GPR158: variants seen among roughly 807,000 people sequenced by gnomAD.
The protein encoded by GPR158 is metabotropic glycine receptor.
Under a neutral mutation model 78.2 loss-of-function variants are expected in GPR158, and 30 were observed. That is an observed-to-expected ratio of 0.38 (90% confidence interval 0.29 to 0.52). GPR158 has a LOEUF of 0.52. Ranked by LOEUF, GPR158 falls within the 20% of genes least tolerant of loss-of-function variation. The probability of loss-of-function intolerance (pLI) is 0.83; values close to 1 mark genes in which losing one functional copy is unlikely to be tolerated. For synonymous variants in GPR158, 581 were observed against 591.1 expected (o/e 0.98, Z 0.25); for missense variants, 1,463 against 1,523.5 (o/e 0.96, Z 0.66).
intron 3 of GPR158, among the ~76,000 whole-genome samples, chr10:25,401,873 T>G (rs1834451101): frequency 6.6e-6 from 1 of 152,148 alleles, no homozygotes; most frequent in South Asian, 2.1e-4. Flanking sequence ...ATACATTTCT[T>G]ACACAAAATC....
At chr10:25,252,976 C>T (rs1479015611) in intron 2 of GPR158, among the ~76,000 whole-genome samples, 7 of 152,300 alleles carry the variant, frequency 4.6e-5, no homozygotes, top group African/African-American at 7.2e-5. Context: ...ATTCCGTGGG[C>T]GTAGGACCCT....
chr10:25,458,191 G>A (rs1564460989), intron 4 of GPR158, among the ~76,000 whole-genome samples: 1 of 152,064 alleles, frequency 6.6e-6, no homozygotes, highest in African/African-American at 2.4e-5. Context: ...GAAAAAATGG[G>A]CTTTCTTATG....
chr10:25,186,630 G>A (rs939524831), intron 1 of GPR158, among the ~76,000 whole-genome samples: 7 of 152,084 alleles, frequency 4.6e-5, no homozygotes, highest in African/African-American at 1.7e-4. Context: ...TAGAAGAAAT[G>A]GATAAATTCC....
chr10:25,298,525 G>A (rs1854548254), intron 2 of GPR158, among the ~76,000 whole-genome samples: 1 of 152,048 alleles, frequency 6.6e-6, no homozygotes, highest in African/African-American at 2.4e-5. Flanking sequence ...TCTCTTTAAG[G>A]GTGGAATACA....
At chr10:25,526,504 A>T (rs900360099) in intron 5 of GPR158, among the ~76,000 whole-genome samples, 73 of 152,310 alleles carry the variant, frequency 4.8e-4, no homozygotes, top group African/African-American at 1.7e-3. Context: ...ACTCATCTGG[A>T]TCCAATCAAG....
intron 2 of GPR158, among the ~76,000 whole-genome samples, chr10:25,384,299 A>T (rs1834193776): frequency 2.0e-5 from 3 of 152,208 alleles, no homozygotes. Context: ...ATAAGAACTC[A>T]AAAAGTACAG....
At chr10:25,287,538 A>G (rs1417506718) in intron 2 of GPR158, among the ~76,000 whole-genome samples, 3 of 152,064 alleles carry the variant, frequency 2.0e-5, no homozygotes. Context: ...GGTGGTGTGA[A>G]TCTCCCTTTT....
At chr10:25,428,155 A>C (rs1199892292) in intron 4 of GPR158, among the ~76,000 whole-genome samples, 2 of 152,222 alleles carry the variant, frequency 1.3e-5, no homozygotes, top group Non-Finnish European at 2.9e-5. Flanking sequence ...AATATTATAA[A>C]AGAAACTTCA....
At chr10:25,285,084 G>GTGTGTGTGTGTA (rs978500038) in intron 2 of GPR158, among the ~76,000 whole-genome samples, 5 of 151,752 alleles carry the variant, frequency 3.3e-5, no homozygotes, top group Non-Finnish European at 5.9e-5. Flanking sequence ...GTGTGTGTGT[G>GTGTGTGTGTGTA]TGTGTGTATG....
intron 2 of GPR158, among the ~76,000 whole-genome samples, chr10:25,387,299 A>G (rs914245509): frequency 3.3e-5 from 5 of 152,114 alleles, no homozygotes; most frequent in Admixed American, 2.0e-4. Context: ...GTGTTTAACT[A>G]TCCTTGAATT....
chr10:25,330,517 A>G (rs1195673904), intron 2 of GPR158, among the ~76,000 whole-genome samples: 1 of 152,182 alleles, frequency 6.6e-6, no homozygotes, highest in East Asian at 1.9e-4. Flanking sequence ...AGGATACTAT[A>G]TAGGATTTGC....
chr10:25,321,766 A>G (rs935700960), intron 2 of GPR158, among the ~76,000 whole-genome samples: 1 of 152,124 alleles, frequency 6.6e-6, no homozygotes, highest in Non-Finnish European at 1.5e-5. Flanking sequence ...TGAGTTGTAT[A>G]TAGGTGTCCT....
In GPR158 at chr10:25,206,222, C is replaced by T. The variant is rs190459051; in HGVS notation, c.903-14830C>T. On this transcript the variant is annotated intron_variant, in intron 1 of 10. Transcript: ENST00000376351. ...CAGGATGGTCTCGATCTCCTGACCT[C>T]GTGATCCGCCTGTCTCGGCCTCCCA... 9.2e-5 allele frequency among the ~76,000 whole-genome samples: 14 copies of T among 152,162 alleles called. No homozygotes were observed. The East Asian group carries it at 1.5e-3, about 17-fold the overall frequency.
intron 8 of GPR158, among the ~76,000 whole-genome samples, chr10:25,591,891 A>G (rs771541520): frequency 2.0e-5 from 3 of 152,058 alleles, no homozygotes; most frequent in Admixed American, 6.6e-5. Flanking sequence ...AATCTGCATA[A>G]CACTGATTTT....
At chr10:25,534,624 C>A (rs7097392) in intron 5 of GPR158, among the ~76,000 whole-genome samples, 62,018 of 150,582 alleles carry the variant, frequency 0.41, 12,913 homozygotes, top group East Asian at 0.55. Flanking sequence ...TGTGGTGGCA[C>A]GTATCTGTAA....
chr10:25,409,295 A>T (rs1834556466), intron 3 of GPR158, among the ~76,000 whole-genome samples: 1 of 152,186 alleles, frequency 6.6e-6, no homozygotes, highest in African/African-American at 2.4e-5. Context: ...GCTACCAATA[A>T]TTGTACAAAA....
chr10:25,456,069 C>T (rs1206421040), intron 4 of GPR158, among the ~76,000 whole-genome samples: 1 of 152,146 alleles, frequency 6.6e-6, no homozygotes, highest in East Asian at 1.9e-4. Context: ...AAATAACAAT[C>T]GCTACCCTAC....
intron 4 of GPR158, among the ~76,000 whole-genome samples, chr10:25,433,551 G>GTTGTGTGTGTGT (rs1554803614): frequency 1.6e-4 from 22 of 136,774 alleles, no homozygotes; most frequent in African/African-American, 5.2e-4. Flanking sequence ...TGTGTGTTGT[G>GTTGTGTGTGTGT]TGTGTGTGTG....
At chr10:25,327,009 AT>A (rs1855044020) in intron 2 of GPR158, among the ~76,000 whole-genome samples, 1 of 152,172 alleles carries the variant, frequency 6.6e-6, no homozygotes, top group Non-Finnish European at 1.5e-5. Flanking sequence ...AAAAATACAC[AT>A]TTGACTTACT....
Sources: allele counts gnomAD v4.1 joint callset (sites outside exome capture counted in the v4.1 genomes callset), GRCh38; gene constraint gnomAD v4.1.1; transcripts MANE v1.5; gene names NCBI Gene and HGNC (gene_info 2026-07-23, HGNC 2026-07-21).